GNPTAB: variants seen among roughly 807,000 people sequenced by gnomAD.
GNPTAB encodes N-acetylglucosamine-1-phosphate transferase subunits alpha and beta, also known as N-acetylglucosamine-1-phosphotransferase subunits alpha/beta.
In GNPTAB, 92 loss-of-function variants were observed where a neutral mutation model predicts 136.6. The ratio of observed to expected loss-of-function variants is 0.67; its 90% CI spans 0.57 to 0.80. GNPTAB has a LOEUF of 0.80. Ranked by LOEUF, GNPTAB falls within the 30% of genes least tolerant of loss-of-function variation. GNPTAB has a pLI of 0.00. For synonymous variants in GNPTAB, 512 were observed against 535.1 expected, an observed-to-expected ratio of 0.96 and a Z score of 0.60; for missense variants, 1,343 against 1,501.8, an observed-to-expected ratio of 0.89 and a Z score of 1.75.
At chr12:101,789,601 T>C (rs1224117836) in intron 3 of GNPTAB, among the ~76,000 whole-genome samples, 1 of 152,146 alleles carries the variant, frequency 6.6e-6, no homozygotes, top group Non-Finnish European at 1.5e-5. Flanking sequence ...TCTCCCGCCT[T>C]AGCCTCCCAA....
At chr12:101,779,820 G>A (rs1014826712) in intron 7 of GNPTAB, 10 of 344,214 alleles carry the variant, frequency 2.9e-5, no homozygotes, top group African/African-American at 6.4e-5. Flanking sequence ...GCTCGTCTAC[G>A]GCCATACCAC....
chr12:101,795,339 C>T (rs952868863), intron 2 of GNPTAB, among the ~76,000 whole-genome samples: 1 of 151,992 alleles, frequency 6.6e-6, no homozygotes, highest in Non-Finnish European at 1.5e-5. Context: ...CTGTTTGGTC[C>T]CTTAAAATTA....
intron 1 of GNPTAB, among the ~76,000 whole-genome samples, chr12:101,804,133 G>A (rs934887915): frequency 3.3e-5 from 5 of 152,080 alleles, no homozygotes; most frequent in African/African-American, 4.8e-5. Flanking sequence ...AGAATTGCTT[G>A]AGCCCAGGAG....
chr12:101,795,519 G>C (rs924749496), intron 2 of GNPTAB, among the ~76,000 whole-genome samples: 1 of 152,104 alleles, frequency 6.6e-6, no homozygotes, highest in African/African-American at 2.4e-5. Flanking sequence ...TTGGAAGGCC[G>C]AGGCGGGTGG....
In GNPTAB at chr12:101,796,756, G is replaced by A. The variant is rs752790030; in HGVS notation, c.124C>T (p.Leu42=). ...VSAFQFGEVV[L]EWSRDQYHVL... Reference sequence around the variant, plus strand: ...TGGTATTGATCTCGGCTCCATTCCAGAACCACCTAGAACAAAGAAAAAGAA... The same window carrying A: ...TGGTATTGATCTCGGCTCCATTCCAAAACCACCTAGAACAAAGAAAAAGAA... Residue 42 remains leucine, a synonymous_variant, in exon 2 of 21, where the codon CTG becomes TTG. Transcript: ENST00000299314. The A allele has an allele frequency of 1.2e-6, 2 of 1,603,878 alleles. No individual in the cohort carries two copies. The highest frequency in any genetic ancestry group is 4.5e-5 in the East Asian group (2 of 44,766).
intron 7 of GNPTAB, among the ~76,000 whole-genome samples, chr12:101,775,959 C>T (rs906532528): frequency 6.6e-6 from 1 of 152,136 alleles, no homozygotes; most frequent in Non-Finnish European, 1.5e-5. Flanking sequence ...TCTTCAAGAA[C>T]CCAGTGCAGC....
chr12:101,791,462 A>C (rs1266136186), intron 2 of GNPTAB, among the ~76,000 whole-genome samples: 1 of 137,504 alleles, frequency 7.3e-6, no homozygotes, highest in Non-Finnish European at 1.5e-5. Flanking sequence ...TGATGAGCCA[A>C]AAAAAAAAAA....
chr12:101,801,806 G>C (rs1319646527), intron 1 of GNPTAB, among the ~76,000 whole-genome samples: 1 of 152,042 alleles, frequency 6.6e-6, no homozygotes, highest in African/African-American at 2.4e-5. Context: ...ACTTTGCAAG[G>C]CCAAGAAGGG....
chr12:101,798,312 T>C (rs577940684), intron 1 of GNPTAB, among the ~76,000 whole-genome samples: 1 of 152,326 alleles, frequency 6.6e-6, no homozygotes, highest in South Asian at 2.1e-4. Context: ...CCTTTCCTTC[T>C]ACTCTACATG....
chr12:101,766,968 A>G lies in GNPTAB; in HGVS notation c.1409-674T>C, dbSNP rs149569484. Among the ~76,000 whole-genome samples, 727 of 152,330 alleles carry G rather than the reference A, an allele frequency of 4.8e-3. 2 individuals are homozygous for G. The highest frequency in any genetic ancestry group is 0.034 in the Middle Eastern group (10 of 294). ...AAAAACATGTCCAAACGTGGGTAAC[A>G]TGTTTGATACCCCTTGTTATCAAAT... On this transcript the variant is annotated intron_variant, in intron 11 of 20. Coordinates refer to ENST00000299314, the MANE Select transcript of GNPTAB (RefSeq NM_024312.5).
chr12:101,830,001 T>TA (rs1871281362), intron 1 of GNPTAB, among the ~76,000 whole-genome samples: 1 of 62,780 alleles, frequency 1.6e-5, no homozygotes, highest in African/African-American at 8.0e-5. Flanking sequence ...TGTAACCTCC[T>TA]ACCAAAAAAA....
intron 1 of GNPTAB, among the ~76,000 whole-genome samples, chr12:101,801,231 CAAAAAAAAAAA>C (rs35036983): frequency 7.8e-5 from 1 of 12,754 alleles, no homozygotes; most frequent in Admixed American, 1.3e-3. Flanking sequence ...GACCCTGTCT[CAAAAAAAAAAA>C]AAAAAAAAAA....
intron 5 of GNPTAB, among the ~76,000 whole-genome samples, 186 bp from the exon 6 acceptor site, chr12:101,780,807 T>A (rs185240980): frequency 1.3e-5 from 2 of 152,228 alleles, no homozygotes; most frequent in African/African-American, 4.8e-5. Flanking sequence ...TCAGTGTACG[T>A]TGAAATGTTA....
At chr12:101,758,334 C>T (rs1343673747) in intron 16 of GNPTAB, among the ~76,000 whole-genome samples, 1 of 152,298 alleles carries the variant, frequency 6.6e-6, no homozygotes, top group Admixed American at 6.5e-5. Context: ...CCATCGCACC[C>T]GGCCAATTTT....
chr12:101,830,040 A>C (rs1157925406), intron 1 of GNPTAB, among the ~76,000 whole-genome samples: 1 of 151,968 alleles, frequency 6.6e-6, no homozygotes, highest in African/African-American at 2.4e-5. Flanking sequence ...AAAAAAACTA[A>C]AACTAAGGAA....
chr12:101,758,163 C>T (rs765771430), intron 16 of GNPTAB, among the ~76,000 whole-genome samples: 6 of 152,018 alleles, frequency 3.9e-5, no homozygotes, highest in Admixed American at 1.3e-4. Flanking sequence ...CTCAGTTTCC[C>T]GAGTAGCTGG....
chr12:101,770,902 G>C (rs1369253030), intron 8 of GNPTAB, 94 bp downstream of exon 8: 2 of 1,252,940 alleles, frequency 1.6e-6, no homozygotes, highest in East Asian at 2.3e-5. Flanking sequence ...TCACCTCTCT[G>C]TAAGTCCCCT....
intron 1 of GNPTAB, among the ~76,000 whole-genome samples, chr12:101,830,329 A>G (rs1252493335): frequency 6.6e-6 from 1 of 152,224 alleles, no homozygotes; most frequent in African/African-American, 2.4e-5. Context: ...TTTATGATAA[A>G]GAATACTGTA....
At chr12:101,754,791 A>G (rs1952877530) in intron 18 of GNPTAB, among the ~76,000 whole-genome samples, 2 of 152,190 alleles carry the variant, frequency 1.3e-5, no homozygotes, top group Non-Finnish European at 2.9e-5. Context: ...TCCAACTACC[A>G]ATTTATGGGA....
Sources: gnomAD v4.1 joint callset for allele counts (sites outside exome capture counted in the v4.1 genomes callset) on GRCh38, gnomAD v4.1.1 for gene constraint, MANE v1.5 for transcripts, NCBI Gene and HGNC (gene_info 2026-07-23, HGNC 2026-07-21) for gene names.